The following EIF4E3 variants were observed in gnomAD, a reference collection of about 807,000 sequenced individuals.
EIF4E3 encodes eukaryotic translation initiation factor 4E type 3.
EIF4E3 carries 26 observed loss-of-function variants against 31.7 expected under a neutral mutation model. The ratio of observed to expected loss-of-function variants is 0.82; its 90% CI spans 0.60 to 1.14. The LOEUF (loss-of-function observed/expected upper bound fraction) is 1.14, where lower values mean the gene tolerates loss of function less well. EIF4E3 is among the 50% of genes most tolerant of loss of function. EIF4E3 has a pLI of 0.00. For synonymous variants in EIF4E3, 128 were observed against 107.7 expected (o/e 1.19, Z -1.17); for missense variants, 304 against 270.9 (o/e 1.12, Z -0.86).
chr3:71,730,906 TA>T (rs945097969), intron 1 of EIF4E3, among the ~76,000 whole-genome samples: 4 of 152,146 alleles, frequency 2.6e-5, no homozygotes, highest in African/African-American at 7.2e-5. Flanking sequence ...AAATTTTTTG[TA>T]GAGACAGGGT....
At chr3:71,703,811 C>CAAAAAAAAAAAAAAAA (rs370789059) in intron 2 of EIF4E3, among the ~76,000 whole-genome samples, 1 of 72,456 alleles carries the variant, frequency 1.4e-5, no homozygotes. Context: ...AAACACACAT[C>CAAAAAAAAAAAAAAAA]AAAAAAAAAA....
intron 4 of EIF4E3, among the ~76,000 whole-genome samples, chr3:71,694,470 G>A (rs2049106599): frequency 6.6e-6 from 1 of 152,142 alleles, no homozygotes; most frequent in Admixed American, 6.5e-5. Context: ...ACTGTTTATG[G>A]CAGGCGATAG....
chr3:71,692,186 C>A (rs549147306), intron 5 of EIF4E3, among the ~76,000 whole-genome samples: 1 of 152,216 alleles, frequency 6.6e-6, no homozygotes, highest in East Asian at 1.9e-4. Context: ...ACCAGCAAAA[C>A]CTTGATTATT....
the EIF4E3 span, among the ~76,000 whole-genome samples, chr3:71,666,158 C>G: frequency 2.0e-5 from 3 of 152,082 alleles, no homozygotes; most frequent in Admixed American, 6.5e-5. Flanking sequence ...AATCCAGGAG[C>G]TGGTTTTTTG....
At chr3:71,754,166 C>A, upstream of EIF4E3, 2 of 1,456,782 alleles carry the variant, frequency 1.4e-6, no homozygotes, top group Non-Finnish European at 9.1e-7. This position sits in a 1 kb window ranked among gnomAD's most constrained non-coding sequence, Gnocchi z 5.8. Flanking sequence ...ACGTGCTGTT[C>A]GCGCTGCTGA....
At position 71,676,938 on chromosome 3, in the gene EIF4E3, C is replaced by A. The variant is rs923738603; in HGVS notation, c.*7744G>T. 1.3e-5 allele frequency: 2 copies of A among 152,086 alleles called. No individual in the cohort carries two copies. Among genetic ancestry groups the A allele is most frequent in the Non-Finnish European group, 2.9e-5 (2 of 68,010 alleles). 9.4% of individuals were successfully genotyped at this position (152,086 alleles called of 1,614,324 possible). A position where few individuals can be genotyped will look rare whatever the true frequency, so the allele number is the denominator to read the frequency against. ...AAGATCTGAAACCTTTCTCTAGGTC[C>A]ATACTTTATATAATCCTATATGTGC... On this transcript the variant is annotated 3_prime_UTR_variant, in exon 7 of 7. Coordinates refer to ENST00000425534, the MANE Select transcript of EIF4E3 (RefSeq NM_001134651.2).
At position 71,725,227 on chromosome 3, in the gene EIF4E3, G is replaced by C. The variant is rs2108123552; in HGVS notation, c.141C>G (p.Val47=). ...LSALQPEPGG[V]PLHSSWTFWL... ...AGAAGGTCCAGGACGAGTGCAGCGGGACCCCGCCCGGCTCAGGCTGCAGCG... is the reference window on the plus strand; with the variant it reads ...AGAAGGTCCAGGACGAGTGCAGCGGCACCCCGCCCGGCTCAGGCTGCAGCG... The change falls in exon 1 of 7, where the codon GTC becomes GTG. Residue 47 remains valine, a synonymous_variant. Coordinates refer to ENST00000425534, the MANE Select transcript of EIF4E3 (RefSeq NM_001134651.2). The surrounding 1 kb of genome is among the most constrained non-coding windows in gnomAD (Gnocchi z 6.1). The C allele has an allele frequency of 8.8e-7, 1 of 1,134,234 alleles. No individual in the cohort carries two copies. Among genetic ancestry groups the C allele is most frequent in the Non-Finnish European group, 1.1e-6 (1 of 919,614 alleles). The allele number at this position is 1,134,234 out of a possible 1,614,324, so 70.3% of individuals were successfully genotyped here. A position where few individuals can be genotyped will look rare whatever the true frequency, so the allele number is the denominator to read the frequency against.
intron 1 of EIF4E3, among the ~76,000 whole-genome samples, chr3:71,722,980 T>C (rs976916653): frequency 6.6e-6 from 1 of 152,230 alleles, no homozygotes; most frequent in Non-Finnish European, 1.5e-5. Context: ...GGCAGCTAGA[T>C]GGCTTGCTCA....
At chr3:71,674,263 T>G (rs953288058), downstream of EIF4E3, among the ~76,000 whole-genome samples, 1 of 151,718 alleles carries the variant, frequency 6.6e-6, no homozygotes, top group African/African-American at 2.4e-5. Context: ...TGCACCACCA[T>G]GCCCAACTAA....
chr3:71,662,190 G>A, the EIF4E3 span, among the ~76,000 whole-genome samples: 1 of 152,190 alleles, frequency 6.6e-6, no homozygotes, highest in Non-Finnish European at 1.5e-5. Flanking sequence ...AGGTGGAGGG[G>A]AGAGTGTCTC....
intron 1 of EIF4E3, among the ~76,000 whole-genome samples, chr3:71,713,004 T>C (rs1162555797): frequency 6.6e-6 from 1 of 152,086 alleles, no homozygotes; most frequent in East Asian, 1.9e-4. Context: ...ATTATCCAGG[T>C]TTTTTGAAGA....
intron 2 of EIF4E3, among the ~76,000 whole-genome samples, chr3:71,705,718 C>G (rs1291676465): frequency 6.6e-6 from 1 of 152,206 alleles, no homozygotes; most frequent in Non-Finnish European, 1.5e-5. Flanking sequence ...AGGGAGACTT[C>G]TCTTGCAAAT....
At chr3:71,717,406 T>A (rs144829566) in intron 1 of EIF4E3, among the ~76,000 whole-genome samples, 1 of 152,306 alleles carries the variant, frequency 6.6e-6, no homozygotes, top group Non-Finnish European at 1.5e-5. Flanking sequence ...CCCAAAGACA[T>A]CAAGAAGAAG....
At chr3:71,702,890 G>A (rs1172982000) in intron 2 of EIF4E3, among the ~76,000 whole-genome samples, 1 of 152,156 alleles carries the variant, frequency 6.6e-6, no homozygotes, top group Non-Finnish European at 1.5e-5. Flanking sequence ...TTGCAGAAGT[G>A]AAAGGTCTGC....
the EIF4E3 span, among the ~76,000 whole-genome samples, chr3:71,669,275 A>G: frequency 1.3e-5 from 2 of 152,198 alleles, no homozygotes; most frequent in African/African-American, 2.4e-5. Context: ...AGGGGAAGGG[A>G]TAGCATTAGG....
In EIF4E3 at chr3:71,684,299, A is replaced by C. The variant is rs2048960419; in HGVS notation, c.*383T>G. Reference sequence around the variant, plus strand: ...ATGCATATTCTCATTAACTAGGTACAGCAGAGCTACTTAAAGGGAAACCCA... The same window carrying C: ...ATGCATATTCTCATTAACTAGGTACCGCAGAGCTACTTAAAGGGAAACCCA... On this transcript the variant is annotated 3_prime_UTR_variant, in exon 7 of 7. Coordinates refer to ENST00000425534, the MANE Select transcript of EIF4E3 (RefSeq NM_001134651.2). The C allele has an allele frequency of 4.9e-6, 1 of 204,654 alleles. No homozygotes were observed. The highest frequency in any genetic ancestry group is 5.3e-5 in the Admixed American group (1 of 18,838). The allele number at this position is 204,654 out of a possible 1,614,324, so 12.7% of individuals were successfully genotyped here.
intron 1 of EIF4E3, among the ~76,000 whole-genome samples, chr3:71,731,901 G>A (rs758878295): frequency 6.6e-6 from 1 of 152,114 alleles, no homozygotes; most frequent in Non-Finnish European, 1.5e-5. Context: ...TATATTTAGA[G>A]AGATATAATT....
intron 3 of EIF4E3, among the ~76,000 whole-genome samples, chr3:71,698,436 G>A (rs750809939): frequency 1.3e-5 from 2 of 152,184 alleles, no homozygotes; most frequent in African/African-American, 2.4e-5. Flanking sequence ...CCCTGTGGGG[G>A]ACATCTGCTG....
At chr3:71,722,120 C>T (rs1006276076) in intron 1 of EIF4E3, among the ~76,000 whole-genome samples, 1 of 151,988 alleles carries the variant, frequency 6.6e-6, no homozygotes, top group Non-Finnish European at 1.5e-5. Flanking sequence ...GAGGTGGTTA[C>T]AGATGACTCT....
Sources: allele counts gnomAD v4.1 joint callset (sites outside exome capture counted in the v4.1 genomes callset), GRCh38; gene constraint gnomAD v4.1.1; non-coding constraint Gnocchi (gnomAD v3.1); transcripts MANE v1.5; gene names NCBI Gene and HGNC (gene_info 2026-07-23, HGNC 2026-07-21).